The following TTC28 variants were observed in gnomAD, a reference collection of about 807,000 sequenced individuals.
TTC28 encodes tetratricopeptide repeat protein 28.
TTC28 carries 61 observed loss-of-function variants against 198.0 expected under a neutral mutation model. The observed-to-expected ratio is 0.31, with a 90% confidence interval of 0.25 to 0.38. The LOEUF is 0.38. Among genes scored for constraint, TTC28 ranks in the 10% least tolerant of loss-of-function variants. The pLI, the probability that TTC28 is intolerant of heterozygous loss-of-function variation, is 1.00. For synonymous variants in TTC28, 1,171 were observed against 1,297.8 expected, an observed-to-expected ratio of 0.90 and a Z score of 2.10; for missense variants, 2,678 against 3,164.0, an observed-to-expected ratio of 0.85 and a Z score of 3.69.
intron 2 of TTC28, among the ~76,000 whole-genome samples, chr22:28,559,036 A>C (rs74592723): frequency 1.4e-5 from 2 of 145,268 alleles, no homozygotes; most frequent in African/African-American, 5.0e-5. Context: ...ACTCCATCTC[A>C]AAAAAAAAAA....
intron 5 of TTC28, among the ~76,000 whole-genome samples, chr22:28,187,149 G>A (rs1228482060): frequency 6.6e-6 from 1 of 152,124 alleles, no homozygotes; most frequent in Non-Finnish European, 1.5e-5. Flanking sequence ...AGGTAGAAAT[G>A]CTGAACAGAG....
In TTC28 at chr22:28,163,081, C is replaced by T; in HGVS notation, c.1441+11G>A. On this transcript the variant is annotated intron_variant, in intron 6 of 22. Transcript: ENST00000397906. ...TTTGACCTGGGCTCTTACAGGCAAC[C>T]CTGTTCTTACCTAGATTGGAGGATG... 6.5e-7 allele frequency: 1 copy of T among 1,538,398 alleles called. No homozygotes were observed. Among genetic ancestry groups the T allele is most frequent in the Admixed American group, 2.0e-5 (1 of 50,440 alleles).
intron 5 of TTC28, among the ~76,000 whole-genome samples, chr22:28,284,714 A>G (rs559007647): frequency 6.6e-6 from 1 of 152,188 alleles, no homozygotes; most frequent in Non-Finnish European, 1.5e-5. Flanking sequence ...TACAAAGAAC[A>G]CATATAAATA....
chr22:28,642,159 G>A (rs2051377775), intron 1 of TTC28, among the ~76,000 whole-genome samples: 1 of 148,884 alleles, frequency 6.7e-6, no homozygotes, highest in African/African-American at 2.5e-5. Flanking sequence ...GGAAATAACA[G>A]GAGTAAAAAA....
At chr22:28,133,987 G>A (rs541796166) in intron 6 of TTC28, among the ~76,000 whole-genome samples, 50 of 152,288 alleles carry the variant, frequency 3.3e-4, no homozygotes, top group Admixed American at 7.8e-4. Flanking sequence ...CACCTCACGC[G>A]GCCAGGTACC....
chr22:28,505,975 A>C (rs1181092920), intron 2 of TTC28, among the ~76,000 whole-genome samples: 3 of 152,202 alleles, frequency 2.0e-5, no homozygotes, highest in Non-Finnish European at 4.4e-5. Context: ...GAGAATACAA[A>C]CAGTCCGAAC....
At chr22:28,084,780 G>C (rs987819794) in intron 12 of TTC28, among the ~76,000 whole-genome samples, 2 of 152,056 alleles carry the variant, frequency 1.3e-5, no homozygotes, top group Non-Finnish European at 2.9e-5. Flanking sequence ...TTAGACGAAT[G>C]GATAACTAGA....
At chr22:27,985,211 G>C in intron 22 of TTC28, 38 bp downstream of exon 22, 1 of 1,440,224 alleles carries the variant, frequency 6.9e-7, no homozygotes, top group Non-Finnish European at 9.5e-7. Flanking sequence ...GAGCATGGCA[G>C]GCCCTGGTGG....
intron 2 of TTC28, among the ~76,000 whole-genome samples, chr22:28,420,161 G>C (rs2047226207): frequency 6.6e-6 from 1 of 152,182 alleles, no homozygotes; most frequent in Admixed American, 6.5e-5. Flanking sequence ...AAAGAAGACA[G>C]ATGAAAGCTT....
intron 6 of TTC28, among the ~76,000 whole-genome samples, chr22:28,139,903 A>C (rs1943289498): frequency 6.6e-6 from 1 of 152,084 alleles, no homozygotes; most frequent in Non-Finnish European, 1.5e-5. Context: ...ATTCATACAC[A>C]TGACTGGGTT....
chr22:28,348,578 T>A (rs1885485491), intron 2 of TTC28, among the ~76,000 whole-genome samples: 3 of 152,184 alleles, frequency 2.0e-5, no homozygotes, highest in Admixed American at 2.0e-4. Context: ...CCAGACCTAC[T>A]TCTCCATGCC....
intron 2 of TTC28, among the ~76,000 whole-genome samples, chr22:28,396,141 G>C (rs1213420523): frequency 2.6e-5 from 4 of 152,126 alleles, no homozygotes; most frequent in Admixed American, 2.6e-4. Flanking sequence ...CAGTCTAAAA[G>C]AAAAACTTGA....
At chr22:28,295,359 T>C (rs1180985704) in intron 5 of TTC28, among the ~76,000 whole-genome samples, 1 of 152,236 alleles carries the variant, frequency 6.6e-6, no homozygotes, top group African/African-American at 2.4e-5. Context: ...TAACCTTCTC[T>C]TCCCTATTAA....
intron 1 of TTC28, among the ~76,000 whole-genome samples, chr22:28,649,325 T>A (rs2051530026): frequency 1.3e-5 from 2 of 152,028 alleles, no homozygotes; most frequent in African/African-American, 4.8e-5. Context: ...ACTACACAAT[T>A]CATCCATGTA....
chr22:28,524,273 CG>C (rs1347922298), intron 2 of TTC28, among the ~76,000 whole-genome samples: 1 of 151,390 alleles, frequency 6.6e-6, no homozygotes, highest in Non-Finnish European at 1.5e-5. Flanking sequence ...CCGGCTAACA[CG>C]GTGAAACCCT....
At chr22:28,521,350 T>G (rs2048904461) in intron 2 of TTC28, among the ~76,000 whole-genome samples, 1 of 151,978 alleles carries the variant, frequency 6.6e-6, no homozygotes, top group Admixed American at 6.6e-5. Flanking sequence ...GAGGTTATGA[T>G]GAGCCGTGAC....
At chr22:28,279,622 G>T (rs1020339341) in intron 5 of TTC28, among the ~76,000 whole-genome samples, 1 of 152,050 alleles carries the variant, frequency 6.6e-6, no homozygotes, top group Non-Finnish European at 1.5e-5. Context: ...CACCCACCTG[G>T]GCCTCCCAAA....
chr22:28,285,291 CAGAA>C (rs1414993834), intron 5 of TTC28, among the ~76,000 whole-genome samples: 1 of 152,134 alleles, frequency 6.6e-6, no homozygotes, highest in Non-Finnish European at 1.5e-5. Context: ...AAGCCAGAAA[CAGAA>C]AGACAAATAC....
chr22:28,389,761 C>T (rs1450488030), intron 2 of TTC28, among the ~76,000 whole-genome samples: 1 of 148,994 alleles, frequency 6.7e-6, no homozygotes, highest in South Asian at 2.1e-4. Flanking sequence ...TGCTAGTGGT[C>T]TATCAATTTT....
Sources: gnomAD v4.1 joint callset for allele counts (sites outside exome capture counted in the v4.1 genomes callset) on GRCh38, gnomAD v4.1.1 for gene constraint, MANE v1.5 for transcripts, NCBI Gene and HGNC (gene_info 2026-07-23, HGNC 2026-07-21) for gene names.